Variants in ATR observed in about 807,000 individuals in gnomAD.
ATR encodes serine/threonine-protein kinase ATR.
In ATR, 142 loss-of-function variants were observed where a neutral mutation model predicts 305.3. The observed-to-expected ratio is 0.47, with a 90% CI of 0.41 to 0.53. ATR has a LOEUF of 0.53. ATR is among the 20% of genes least tolerant of loss of function. The pLI, the probability that ATR is intolerant of heterozygous loss-of-function variation, is 0.00. For synonymous variants in ATR, 1,050 were observed against 1,068.1 expected, an observed-to-expected ratio of 0.98 and a Z score of 0.33; for missense variants, 2,135 against 3,133.1, an observed-to-expected ratio of 0.68 and a Z score of 7.60.
intron 35 of ATR, 47 bp downstream of exon 35, chr3:142,493,085 T>C (rs1282160303): frequency 6.3e-7 from 1 of 1,590,322 alleles, no homozygotes; most frequent in Non-Finnish European, 8.6e-7. Flanking sequence ...TAAGTCATTT[T>C]ACGTAGTCAA....
chr3:142,578,599 G>C (rs766774420), intron 1 of ATR, 47 bp downstream of exon 1: 1 of 1,586,976 alleles, frequency 6.3e-7, no homozygotes, highest in East Asian at 2.3e-5. Context: ...AACCCAAGCC[G>C]GAATCAGCGG....
intron 3 of ATR, among the ~76,000 whole-genome samples, chr3:142,564,906 C>T (rs1415830242): frequency 6.6e-6 from 1 of 152,026 alleles, no homozygotes; most frequent in African/African-American, 2.4e-5. Context: ...CATGTGCCAC[C>T]ATGTTCAGCT....
In ATR at chr3:142,461,982, C is replaced by A. The variant is rs768021755; in HGVS notation, c.7150G>T (p.Ala2384Ser). Reference sequence around the variant, plus strand: ...TTGGTCAGAATAGGTCTCAAACCAGCAGTGTTGTTCACCCATTCAATAATC... The same window carrying A: ...TTGGTCAGAATAGGTCTCAAACCAGAAGTGTTGTTCACCCATTCAATAATC... ...CGIIEWVNNTAGLRPILTKLY... is the reference protein window; with the variant it reads ...CGIIEWVNNTSGLRPILTKLY... The change falls in exon 42 of 47, where the codon GCT becomes TCT. Residue 2384 changes from alanine (A) to serine (S), a missense_variant. Physicochemically the swap from Ala to Ser is moderately conservative, Grantham distance 99. This residue lies in a region of ATR where 462 missense variants were observed against 887.6 expected (regional missense o/e 0.52). Transcript: ENST00000350721. 1 of 1,613,624 alleles carries A rather than the reference C, an allele frequency of 6.2e-7. No homozygotes were observed. Among genetic ancestry groups the A allele is most frequent in the South Asian group, 1.1e-5 (1 of 91,070 alleles).
At chr3:142,450,450 C>T in intron 46 of ATR, 2 of 1,599,970 alleles carry the variant, frequency 1.3e-6, no homozygotes, top group Non-Finnish European at 1.7e-6. Flanking sequence ...TACATCACCA[C>T]AGAGCTATTA....
chr3:142,451,451 A>C, intron 46 of ATR: 9 of 1,498,098 alleles, frequency 6.0e-6, no homozygotes, highest in Non-Finnish European at 8.1e-6. Context: ...AAGTAAAAAT[A>C]GGAGACTTTG....
intron 38 of ATR, among the ~76,000 whole-genome samples, chr3:142,468,466 G>A (rs970300939): frequency 2.0e-4 from 30 of 152,034 alleles, no homozygotes; most frequent in African/African-American, 7.0e-4. Flanking sequence ...AAACAATAAA[G>A]TGAAAAATAT....
At chr3:142,463,838 C>G (rs549615597) in intron 41 of ATR, among the ~76,000 whole-genome samples, 52 of 152,136 alleles carry the variant, frequency 3.4e-4, no homozygotes, top group Middle Eastern at 6.8e-3. Context: ...TATATCTTTT[C>G]TATGCTAAAG....
intron 3 of ATR, among the ~76,000 whole-genome samples, chr3:142,564,196 T>C (rs2034982335): frequency 1.3e-5 from 2 of 152,234 alleles, no homozygotes; most frequent in Non-Finnish European, 2.9e-5. Context: ...TAAACATAAC[T>C]TTTATATGCA....
chr3:142,556,042 T>G lies in ATR; in HGVS notation c.2176A>C (p.Ser726Arg). The part of the protein sequence containing the change: ...CTLHGMFYLT[S>R]SLTEPFSEHG... ...TCAGAGAAAGGTTCTGTTAAAGAAC[T>G]TGTCAGATAAAACATGCCGTGAAGA... is the stretch of plus-strand genomic sequence containing the variant. The change falls in exon 10 of 47, where the codon AGT becomes CGT. Residue 726 changes from serine (S) to arginine (R), a missense_variant. Ser to Arg is a moderately radical substitution (Grantham distance 110, BLOSUM62 -1). Coordinates refer to ENST00000350721, the MANE Select transcript of ATR (RefSeq NM_001184.4). 2 of 1,614,120 alleles carry G rather than the reference T, an allele frequency of 1.2e-6. No homozygotes were observed. Among genetic ancestry groups the G allele is most frequent in the Non-Finnish European group, 1.7e-6 (2 of 1,179,996 alleles).
In ATR at chr3:142,457,539, T is replaced by C. The variant is rs1306355522; in HGVS notation, c.7655+65A>G. On this transcript the variant is annotated intron_variant, in intron 45 of 46. Transcript: ENST00000350721. ...AGTGGTTTCTACATAAAAACAAACA[T>C]ATGTAGGGGCCAATAATTATATTCG... 30 of 1,598,054 alleles carry C rather than the reference T, an allele frequency of 1.9e-5. No homozygotes were observed. In the Middle Eastern group the frequency reaches 6.6e-4, roughly 35 times the overall value.
rs764684441 is a variant in ATR at position 142,550,330 on chromosome 3, T to A, written c.2806-28A>T. On this transcript the variant is annotated intron_variant, in intron 13 of 46. Transcript: ENST00000350721. Reference sequence around the variant, plus strand: ...AGAGCAAAAACCATTTTATTGTGAGTTTTCACACAAAGAAGAAATTTTAAC... The same window carrying A: ...AGAGCAAAAACCATTTTATTGTGAGATTTCACACAAAGAAGAAATTTTAAC... 2.5e-6 allele frequency: 4 copies of A among 1,608,356 alleles called. No individual in the cohort carries two copies. The South Asian group carries it at 4.4e-5, about 18-fold the overall frequency.
chr3:142,560,280 A>G lies in ATR; in HGVS notation c.1524T>C (p.Ser508=). ...TGTTTTACCAGTTCATGTTTTGATGAGAACAATGAACAGTACACAGAGCAG... is the reference window on the plus strand; with the variant it reads ...TGTTTTACCAGTTCATGTTTTGATGGGAACAATGAACAGTACACAGAGCAG... The part of the protein sequence containing the change: ...QLTALCTVHC[S]HQNMNCRTFK... Residue 508 remains serine (S), a synonymous_variant, in exon 6 of 47, where the codon TCT becomes TCC. Transcript: ENST00000350721. The G allele has an allele frequency of 6.2e-7, 1 of 1,613,888 alleles. No individual in the cohort carries two copies. The highest frequency in any genetic ancestry group is 8.5e-7 in the Non-Finnish European group (1 of 1,179,830).
chr3:142,466,584 A>G lies in ATR; in HGVS notation c.6688-51T>C, dbSNP rs755726187. The G allele has an allele frequency of 1.1e-5, 16 of 1,506,418 alleles. No homozygotes were observed. In the South Asian group the frequency reaches 1.4e-4, roughly 13 times the overall value. 93.3% of individuals were successfully genotyped at this position (1,506,418 alleles called of 1,614,324 possible). ...ATTTGTTTTTACCTTAAATTCCACT[A>G]TAACAAAAATTTCACTTTTACAATA... On this transcript the variant is annotated intron_variant, in intron 39 of 46. Transcript: ENST00000350721.
chr3:142,498,845 T>A (rs563045150), intron 31 of ATR, 71 bp from the exon 32 acceptor site: 2 of 1,462,226 alleles, frequency 1.4e-6, no homozygotes, highest in Admixed American at 3.6e-5. Context: ...TTTCATTAGA[T>A]AAAATGGTCA....
At chr3:142,572,807 T>A (rs1452095499) in intron 1 of ATR, among the ~76,000 whole-genome samples, 4 of 151,880 alleles carry the variant, frequency 2.6e-5, no homozygotes, top group Non-Finnish European at 1.5e-5. Context: ...TGTTCTCTGG[T>A]CCTGGTACAT....
At position 142,471,191 on chromosome 3, in the gene ATR, A is replaced by G. The variant is rs79892667; in HGVS notation, c.6222-1008T>C. Among the ~76,000 whole-genome samples the G allele has an allele frequency of 3.7e-4, 56 of 152,320 alleles. No homozygotes were observed. In the East Asian group the frequency reaches 0.01, roughly 28 times the overall value. The stretch of plus-strand genomic sequence containing the variant: ...CATTGAAGGTACCTCATATAAGTGG[A>G]AACATACAGTATTTGTCCTTTTTGT... On this transcript the variant is annotated intron_variant, in intron 36 of 46. Coordinates refer to ENST00000350721, the MANE Select transcript of ATR (RefSeq NM_001184.4).
chr3:142,501,745 T>TATG (rs1349844797), intron 30 of ATR, among the ~76,000 whole-genome samples: 1 of 151,986 alleles, frequency 6.6e-6, no homozygotes, highest in Non-Finnish European at 1.5e-5. Flanking sequence ...GAATGGCTAC[T>TATG]ATTATTATTA....
intron 8 of ATR, among the ~76,000 whole-genome samples, 187 bp downstream of exon 8, chr3:142,558,437 T>C (rs1428928736): frequency 2.0e-5 from 3 of 151,864 alleles, no homozygotes; most frequent in African/African-American, 7.3e-5. Flanking sequence ...GCAGGAAAAT[T>C]GCTTGAACCT....
At chr3:142,490,061 A>G (rs2031186478) in intron 35 of ATR, among the ~76,000 whole-genome samples, 1 of 151,642 alleles carries the variant, frequency 6.6e-6, no homozygotes. Flanking sequence ...GCAGATCTGT[A>G]TTTTTTTTCT....
Sources: allele counts gnomAD v4.1 joint callset (sites outside exome capture counted in the v4.1 genomes callset), GRCh38; gene constraint gnomAD v4.1.1; regional missense constraint gnomAD v4.1.1; transcripts MANE v1.5; gene names NCBI Gene and HGNC (gene_info 2026-07-23, HGNC 2026-07-21).